Variants in DNAH14 observed in about 807,000 individuals in gnomAD.
DNAH14 encodes the protein dynein axonemal heavy chain 14.
Under a neutral mutation model 520.9 loss-of-function variants are expected in DNAH14, and 478 were observed. The observed-to-expected ratio is 0.92, with a 90% CI of 0.85 to 0.99. The LOEUF (loss-of-function observed/expected upper bound fraction) is 0.99, where lower values mean the gene tolerates loss of function less well. Among genes scored for constraint, DNAH14 ranks in the 50% least tolerant of loss-of-function variants. The probability of loss-of-function intolerance (pLI) is 0.00; values close to 1 mark genes in which losing one functional copy is unlikely to be tolerated. For synonymous variants in DNAH14, 1,581 were observed against 1,757.2 expected (o/e 0.90, Z 2.51); for missense variants, 4,831 against 5,234.5 (o/e 0.92, Z 2.38).
intron 17 of DNAH14, among the ~76,000 whole-genome samples, chr1:225,076,008 C>A (rs1406471409): frequency 8.7e-5 from 2 of 22,934 alleles, no homozygotes; most frequent in African/African-American, 1.2e-4. Flanking sequence ...GGCCTGGATC[C>A]ACTTGGGTGA....
rs996170500 is a variant in DNAH14 at position 225,117,696 on chromosome 1, G to A, written c.3880G>A (p.Val1294Ile). The A allele has an allele frequency of 1.3e-6, 2 of 1,544,038 alleles. No homozygotes were observed. The highest frequency in any genetic ancestry group is 2.0e-5 in the Admixed American group (1 of 50,872). The change falls in exon 24 of 86, where the codon GTT (valine) becomes ATT (isoleucine). Residue 1294 changes from valine (V) to isoleucine (I), a missense_variant. By Grantham distance (29) the Val-to-Ile change is conservative. Coordinates refer to ENST00000682510, the MANE Select transcript of DNAH14 (RefSeq NM_001367479.1). The part of the protein sequence containing the change: ...IKKSLEDYLE[V>I]KRLIFPRFYF... Reference sequence around the variant, plus strand: ...TGATTCTGGACAGGATTACCTTGAAGTTAAAAGATTAATTTTCCCAAGATT... The same window carrying A: ...TGATTCTGGACAGGATTACCTTGAAATTAAAAGATTAATTTTCCCAAGATT...
intron 41 of DNAH14, among the ~76,000 whole-genome samples, chr1:225,224,506 C>T (rs1399913677): frequency 6.9e-6 from 1 of 144,778 alleles, no homozygotes; most frequent in Non-Finnish European, 1.5e-5. Flanking sequence ...TAGGTTATGA[C>T]CCTGATGTCA....
chr1:225,043,881 G>C lies in DNAH14; in HGVS notation c.1815-5G>C. The C allele has an allele frequency of 6.6e-7, 1 of 1,514,650 alleles. No individual in the cohort carries two copies. The highest frequency in any genetic ancestry group is 8.9e-7 in the Non-Finnish European group (1 of 1,119,026). The allele number at this position is 1,514,650 out of a possible 1,614,324, so 93.8% of individuals were successfully genotyped here. On this transcript the variant is annotated splice_polypyrimidine_tract_variant and splice_region_variant and intron_variant, in intron 14 of 85. Coordinates refer to ENST00000682510, the MANE Select transcript of DNAH14 (RefSeq NM_001367479.1). Reference sequence around the variant, plus strand: ...GAAATATGCTTTTATTGTTTTCTCTGTTAGATTTCCAGAATTTCCTACAAA... The same window carrying C: ...GAAATATGCTTTTATTGTTTTCTCTCTTAGATTTCCAGAATTTCCTACAAA...
At chr1:224,945,184 G>A (rs565635435) in intron 1 of DNAH14, among the ~76,000 whole-genome samples, 4 of 152,128 alleles carry the variant, frequency 2.6e-5, no homozygotes, top group South Asian at 2.1e-4. Flanking sequence ...TGGAATCTTT[G>A]TTCATTTCTT....
chr1:225,029,914 A>G (rs2066407605), intron 11 of DNAH14, among the ~76,000 whole-genome samples: 1 of 152,008 alleles, frequency 6.6e-6, no homozygotes, highest in Admixed American at 6.6e-5. Flanking sequence ...ATTTTGTTAT[A>G]AAATCAACTA....
intron 53 of DNAH14, among the ~76,000 whole-genome samples, chr1:225,277,077 G>A (rs1293972033): frequency 3.0e-5 from 3 of 101,410 alleles, no homozygotes; most frequent in African/African-American, 1.2e-4. Context: ...GGAAGAGAAG[G>A]GGGAAATGGC....
At chr1:225,273,375 G>A (rs1164345886) in intron 52 of DNAH14, among the ~76,000 whole-genome samples, 1 of 152,216 alleles carries the variant, frequency 6.6e-6, no homozygotes, top group African/African-American at 2.4e-5. Flanking sequence ...AGCTTGCAGT[G>A]AGCCGATGAG....
rs2061661502 is a variant in DNAH14 at position 224,974,096 on chromosome 1, A to G, written c.773A>G (p.Asn258Ser). 7 of 1,504,814 alleles carry G rather than the reference A, an allele frequency of 4.7e-6. No individual in the cohort carries two copies. Among genetic ancestry groups the G allele is most frequent in the Non-Finnish European group, 5.3e-6 (6 of 1,122,138 alleles). 93.2% of individuals were successfully genotyped at this position (1,504,814 alleles called of 1,614,324 possible). A position where few individuals can be genotyped will look rare whatever the true frequency, so the allele number is the denominator to read the frequency against. ...AGAAGCATTTTTCCTTTCAGAATGA[A>G]TAAAGCATTTGTTACCTGGAAATTG... ...QFKIFSDFRM[N>S]KAFVTWKLNV... Residue 258 changes from asparagine to serine, a missense_variant, in exon 8 of 86, where the codon AAT (asparagine) becomes AGT (serine). Coordinates refer to ENST00000682510, the MANE Select transcript of DNAH14 (RefSeq NM_001367479.1).
Position 224,952,850 on chromosome 1 carries a change from G to A in DNAH14, c.77+71G>A. 4.4e-6 allele frequency: 5 copies of A among 1,132,392 alleles called. No individual in the cohort carries two copies. In the South Asian group the frequency reaches 8.0e-5, roughly 18 times the overall value. 70.1% of individuals were successfully genotyped at this position (1,132,392 alleles called of 1,614,324 possible). On this transcript the variant is annotated intron_variant, in intron 2 of 85. Coordinates refer to ENST00000682510, the MANE Select transcript of DNAH14 (RefSeq NM_001367479.1). ...TTCAGCAGTGTATGGCTGGTGGTAA[G>A]CCATTCTGACAGTGAAAGACTTAAA...
At chr1:225,239,102 C>T (rs552195759) in intron 42 of DNAH14, among the ~76,000 whole-genome samples, 19 of 152,256 alleles carry the variant, frequency 1.2e-4, no homozygotes, top group Admixed American at 6.5e-4. Context: ...GGTCTTAACT[C>T]GTGAGGTGCC....
At chr1:224,932,540 A>C (rs2125329070) in intron 1 of DNAH14, among the ~76,000 whole-genome samples, 1 of 151,404 alleles carries the variant, frequency 6.6e-6, no homozygotes, top group East Asian at 1.9e-4. Flanking sequence ...CCTAATGTCC[A>C]GGAGAGTTTT....
At chr1:225,397,616 G>A (rs930055414) in intron 84 of DNAH14, 3 of 152,274 alleles carry the variant, frequency 2.0e-5, no homozygotes, top group Non-Finnish European at 4.4e-5. Flanking sequence ...GCCTACCTCA[G>A]GCACACCTGG....
chr1:224,929,717 A>G lies in DNAH14; in HGVS notation c.-152A>G, dbSNP rs932046052. ...AGGAGGCGTCGGAGCCTGGCGTGGT[A>G]GGGCTGTGCTGCGCGGTCCTTCCCA... is the stretch of plus-strand genomic sequence containing the variant. On this transcript the variant is annotated 5_prime_UTR_variant, in exon 1 of 86. Transcript: ENST00000682510. The G allele has an allele frequency of 7.1e-6, 5 of 702,240 alleles. No individual in the cohort carries two copies. Among genetic ancestry groups the G allele is most frequent in the Non-Finnish European group, 1.3e-5 (5 of 384,834 alleles). The allele number at this position is 702,240 out of a possible 1,614,324, so 43.5% of individuals were successfully genotyped here.
chr1:225,325,272 G>C (rs967853758), intron 64 of DNAH14, among the ~76,000 whole-genome samples: 11 of 151,670 alleles, frequency 7.3e-5, no homozygotes, highest in Admixed American at 2.0e-4. Context: ...ATCACCTGAG[G>C]TCAGGAGTTC....
intron 21 of DNAH14, among the ~76,000 whole-genome samples, chr1:225,096,601 G>A (rs1055094447): frequency 3.3e-5 from 5 of 151,978 alleles, no homozygotes; most frequent in Non-Finnish European, 7.4e-5. Flanking sequence ...TGAAGAAGAC[G>A]TATAAGTACT....
intron 73 of DNAH14, 182 bp downstream of exon 73, chr1:225,354,070 CAATGTGAGT>C (rs1450264875): frequency 2.6e-5 from 18 of 693,438 alleles, no homozygotes; most frequent in South Asian, 1.7e-4. Flanking sequence ...GTGGAGAGTC[CAATGTGAGT>C]AACATTCCTG....
rs1553335256 is a variant in DNAH14, at chr1:225,335,353, G to GTGTGTGCA, written c.10080+1847_10080+1848insTGTGTGCA. Among the ~76,000 whole-genome samples the GTGTGTGCA allele has an allele frequency of 7.1e-4, 28 of 39,416 alleles. 8 individuals carry two copies. Among genetic ancestry groups the GTGTGTGCA allele is most frequent in the Non-Finnish European group, 1.0e-3 (21 of 20,272 alleles). 25.9% of individuals were successfully genotyped at this position (39,416 alleles called of 152,430 possible). On this transcript the variant is annotated intron_variant, in intron 66 of 85. Coordinates refer to ENST00000682510, the MANE Select transcript of DNAH14 (RefSeq NM_001367479.1). The stretch of plus-strand genomic sequence containing the variant: ...CACGTGTGTACATGTGTGTGTATAT[G>GTGTGTGCA]CATATACACGTGTACATGTGTGTGT...
intron 52 of DNAH14, among the ~76,000 whole-genome samples, chr1:225,274,339 G>T (rs2093408943): frequency 6.6e-6 from 1 of 151,290 alleles, no homozygotes; most frequent in South Asian, 2.1e-4. Flanking sequence ...CGAGTAGCTG[G>T]GACTACAGGC....
intron 1 of DNAH14, among the ~76,000 whole-genome samples, chr1:224,949,598 G>A (rs751288941): frequency 6.6e-6 from 1 of 152,154 alleles, no homozygotes; most frequent in Non-Finnish European, 1.5e-5. Flanking sequence ...GTTTGGGAAA[G>A]TGAAGGAGGA....
Sources: gnomAD v4.1 joint callset for allele counts (sites outside exome capture counted in the v4.1 genomes callset) on GRCh38, gnomAD v4.1.1 for gene constraint, MANE v1.5 for transcripts, NCBI Gene and HGNC (gene_info 2026-07-23, HGNC 2026-07-21) for gene names.